The following FAM72A variants were observed in gnomAD, a reference collection of about 807,000 sequenced individuals.
FAM72A encodes protein FAM72A.
In FAM72A, 1 loss-of-function variant was observed where a neutral mutation model predicts 11.3. That is an observed-to-expected ratio of 0.09 (90% CI 0.03 to 0.42). The LOEUF is 0.42. FAM72A is among the 10% of genes least tolerant of loss of function. The pLI is 0.98. For synonymous variants in FAM72A, 5 were observed against 46.9 expected, an observed-to-expected ratio of 0.11 and a Z score of 3.65; for missense variants, 15 against 135.5, an observed-to-expected ratio of 0.11 and a Z score of 4.41.
upstream of FAM72A, chr1:206,205,767 C>G: frequency 1.5e-6 from 1 of 675,940 alleles, no homozygotes; most frequent in Non-Finnish European, 2.5e-6. Flanking sequence ...CCGCCGCACC[C>G]GGCCCCAGCG....
chr1:206,191,724 ATTTTTTTT>A (rs1190560887), intron 3 of FAM72A, among the ~76,000 whole-genome samples: 1 of 103,690 alleles, frequency 9.6e-6, no homozygotes, highest in Non-Finnish European at 1.8e-5. Context: ...CTAAAATATT[ATTTTTTTT>A]TTTTTTTTTT....
At chr1:206,204,454 A>ACGCTAGCGGGAGC (rs1176987781), upstream of FAM72A, 2 of 65,170 alleles carry the variant, frequency 3.1e-5, no homozygotes, top group Admixed American at 3.6e-4. Flanking sequence ...GAAGTGGGAG[A>ACGCTAGCGGGAGC]CGCTAGCGGG....
At chr1:206,205,114 G>C (rs1333273186), upstream of FAM72A, 2 of 152,088 alleles carry the variant, frequency 1.3e-5, no homozygotes, top group Non-Finnish European at 2.9e-5. Context: ...CCTCGGGCTG[G>C]CCGCTGCCCA....
chr1:206,205,237 T>G (rs1665808104), upstream of FAM72A: 2 of 150,500 alleles, frequency 1.3e-5, no homozygotes, highest in Non-Finnish European at 3.0e-5. Context: ...AGTGTTTTCT[T>G]TCAGCCTTAA....
chr1:206,203,571 G>A (rs573474470), upstream of FAM72A: 2 of 576,332 alleles, frequency 3.5e-6, no homozygotes, highest in East Asian at 5.8e-5. Flanking sequence ...GCGTAGAAAC[G>A]GGTGGCGGGG....
At chr1:206,191,674 ATTT>A (rs1182826954) in intron 3 of FAM72A, among the ~76,000 whole-genome samples, 8 of 131,970 alleles carry the variant, frequency 6.1e-5, no homozygotes, top group African/African-American at 2.3e-4. Context: ...GGAAAAAGAA[ATTT>A]TTTTTTTTTT....
rs370106462 is a variant in FAM72A, at chr1:206,193,418, C to G, written c.355+2334G>C. Among the ~76,000 whole-genome samples, 100 of 151,970 alleles carry G rather than the reference C, an allele frequency of 6.6e-4. 1 individual carries two copies. In the East Asian group the frequency reaches 0.015, roughly 23 times the overall value. On this transcript the variant is annotated intron_variant, in intron 3 of 3. Transcript: ENST00000367128. ...ATATTGGTCAGGCTGGTCTTAAACT[C>G]CTGACCTCAGGTGATCCATCCACCT...
chr1:206,193,273 C>G (rs1309373174), intron 3 of FAM72A, among the ~76,000 whole-genome samples: 1 of 149,016 alleles, frequency 6.7e-6, no homozygotes, highest in Non-Finnish European at 1.5e-5. Context: ...GCGATCTCGG[C>G]TCACTTCAAA....
intron 3 of FAM72A, among the ~76,000 whole-genome samples, chr1:206,192,728 A>C (rs1271227661): frequency 9.9e-6 from 1 of 101,490 alleles, no homozygotes; most frequent in African/African-American, 3.9e-5. Flanking sequence ...GAAACTGTAG[A>C]AGAAAGTTTG....
At chr1:206,192,822 A>G (rs1664861680) in intron 3 of FAM72A, among the ~76,000 whole-genome samples, 1 of 146,114 alleles carries the variant, frequency 6.8e-6, no homozygotes, top group African/African-American at 2.5e-5. Context: ...AAAAGTGCAG[A>G]TGTAGAAGCT....
intron 3 of FAM72A, among the ~76,000 whole-genome samples, chr1:206,193,009 G>T (rs1321092486): frequency 7.3e-5 from 11 of 151,134 alleles, no homozygotes; most frequent in African/African-American, 2.4e-4. Flanking sequence ...CGCCTCCCGG[G>T]TTCAAGCCAT....
upstream of FAM72A, chr1:206,204,900 C>A (rs1449542928): frequency 1.7e-5 from 2 of 120,406 alleles, no homozygotes; most frequent in African/African-American, 4.6e-5. Context: ...CTTTTTCCTG[C>A]AGATTTGCCC....
At chr1:206,198,182 G>A (rs1665169488) in intron 2 of FAM72A, among the ~76,000 whole-genome samples, 1 of 148,506 alleles carries the variant, frequency 6.7e-6, no homozygotes, top group African/African-American at 2.5e-5. Context: ...TGGGCAACAC[G>A]GTGAAACCCT....
Position 206,198,642 on chromosome 1 carries a change from C to T in FAM72A, c.230+1165G>A, listed in dbSNP as rs146121570. ...TCCTCCTAAAATGAAAATAATAACA[C>T]GTCTACTCAAAAGATTATAGTAATA... On this transcript the variant is annotated intron_variant, in intron 2 of 3. Coordinates refer to ENST00000367128, the MANE Select transcript of FAM72A (RefSeq NM_001123168.3). 6.8e-3 allele frequency among the ~76,000 whole-genome samples: 1,030 copies of T among 151,822 alleles called. 12 individuals are homozygous for T. The highest frequency in any genetic ancestry group is 0.023 in the African/African-American group (961 of 41,476).
rs1267990626 is a variant in FAM72A, at chr1:206,191,726, T to TA, written c.355+4025_355+4026insT. Among the ~76,000 whole-genome samples, 69 of 135,842 alleles carry TA rather than the reference T, an allele frequency of 5.1e-4. 2 individuals are homozygous for TA. Among genetic ancestry groups the TA allele is most frequent in the Middle Eastern group, 4.0e-3 (1 of 250 alleles). The allele number at this position is 135,842 out of a possible 152,430, so 89.1% of individuals were successfully genotyped here. A position where few individuals can be genotyped will look rare whatever the true frequency, so the allele number is the denominator to read the frequency against. Reference sequence around the variant, plus strand: ...GTGTACTTTCTTACTAAAATATTATTTTTTTTTTTTTTTTTTTTTGAGACA... The same window carrying TA: ...GTGTACTTTCTTACTAAAATATTATTATTTTTTTTTTTTTTTTTTTGAGACA... On this transcript the variant is annotated intron_variant, in intron 3 of 3. Coordinates refer to ENST00000367128, the MANE Select transcript of FAM72A (RefSeq NM_001123168.3).
At chr1:206,203,746 G>A (rs1198142201), upstream of FAM72A, 28 of 1,444,710 alleles carry the variant, frequency 1.9e-5, no homozygotes, top group South Asian at 2.9e-4. Context: ...GAGAGGGCGC[G>A]GATGCTGCTC....
At chr1:206,192,990 C>T (rs1269257051) in intron 3 of FAM72A, among the ~76,000 whole-genome samples, 15 of 150,990 alleles carry the variant, frequency 9.9e-5, no homozygotes, top group South Asian at 2.1e-4. Context: ...CTTGGCTCAC[C>T]GCAACCTCCG....
upstream of FAM72A, chr1:206,203,525 T>C: frequency 2.0e-6 from 1 of 504,846 alleles, no homozygotes; most frequent in Non-Finnish European, 3.5e-6. Flanking sequence ...CCTGCGGAGT[T>C]GGCGGAGGCT....
Position 206,187,381 on chromosome 1 carries a change from TAA to T in FAM72A, c.356-10_356-9del. 1.9e-6 allele frequency: 3 copies of T among 1,611,012 alleles called. No homozygotes were observed. Among genetic ancestry groups the T allele is most frequent in the Non-Finnish European group, 1.7e-6 (2 of 1,179,484 alleles). On this transcript the variant is annotated splice_polypyrimidine_tract_variant and intron_variant, in intron 3 of 3. Transcript: ENST00000367128. ...AAAGTAGGACGTTTACACCTGAAAATAAAAAGTCATAAAATTCTTTAATGCTT... is the reference window on the plus strand; with the variant it reads ...AAAGTAGGACGTTTACACCTGAAAATAAAGTCATAAAATTCTTTAATGCTT...
Sources: allele counts gnomAD v4.1 joint callset (sites outside exome capture counted in the v4.1 genomes callset), GRCh38; gene constraint gnomAD v4.1.1; transcripts MANE v1.5; gene names NCBI Gene and HGNC (gene_info 2026-07-23, HGNC 2026-07-21).